HRK: variants seen among roughly 807,000 people sequenced by gnomAD.
HRK encodes harakiri, BCL2 interacting protein.
In HRK, 6 loss-of-function variants were observed where a neutral mutation model predicts 5.9. That is an observed-to-expected ratio of 1.02 (90% CI 0.56 to 2.01). The LOEUF (loss-of-function observed/expected upper bound fraction) is 2.01. HRK is among the 30% of genes most tolerant of loss of function. The pLI is 0.00. For synonymous variants in HRK, 85 were observed against 65.1 expected (o/e 1.31, Z -1.47); for missense variants, 133 against 128.3 (o/e 1.04, Z -0.18).
At chr12:116,869,769 G>A (rs1300210375) in intron 1 of HRK, 1 of 152,228 alleles carries the variant, frequency 6.6e-6, no homozygotes, top group African/African-American at 2.4e-5. Context: ...CTAAGTCTGA[G>A]CTATCTTTGA....
At chr12:116,871,157 A>G (rs1407886959) in intron 1 of HRK, among the ~76,000 whole-genome samples, 1 of 152,018 alleles carries the variant, frequency 6.6e-6, no homozygotes, top group Non-Finnish European at 1.5e-5. Flanking sequence ...AGGTTTCACC[A>G]TGTTGGCCAG....
At position 116,857,667 on chromosome 12, in the gene HRK, T is replaced by C. The variant is rs1343790800; in HGVS notation, c.*3856A>G. 1 of 152,198 alleles carries C rather than the reference T, an allele frequency of 6.6e-6. No homozygotes were observed. Among genetic ancestry groups the C allele is most frequent in the Non-Finnish European group, 1.5e-5 (1 of 68,038 alleles). 9.4% of individuals were successfully genotyped at this position (152,198 alleles called of 1,614,324 possible). On this transcript the variant is annotated 3_prime_UTR_variant, in exon 2 of 2. Coordinates refer to ENST00000257572, the MANE Select transcript of HRK (RefSeq NM_003806.4). ...ATAGGAGAACATGAGATCAGCTACATACATTGTGAAAACCAGTCACAGTTT... is the reference window on the plus strand; with the variant it reads ...ATAGGAGAACATGAGATCAGCTACACACATTGTGAAAACCAGTCACAGTTT...
At chr12:116,869,940 C>T (rs1401253585) in intron 1 of HRK, among the ~76,000 whole-genome samples, 10 of 152,046 alleles carry the variant, frequency 6.6e-5, no homozygotes, top group South Asian at 4.2e-4. Flanking sequence ...ATTAGCTGGG[C>T]GTGGTGGTGG....
At chr12:116,871,532 G>T (rs1445254568) in intron 1 of HRK, among the ~76,000 whole-genome samples, 4 of 149,734 alleles carry the variant, frequency 2.7e-5, no homozygotes, top group Non-Finnish European at 5.9e-5. Flanking sequence ...TTGAACTCCT[G>T]ACCTCAAATG....
At chr12:116,867,777 G>A (rs1334102796) in intron 1 of HRK, 1 of 152,180 alleles carries the variant, frequency 6.6e-6, no homozygotes, top group Non-Finnish European at 1.5e-5. Context: ...GTTGACATGG[G>A]AAGATCTCAA....
In HRK at chr12:116,859,636, TTC is replaced by T. The variant is rs1353712201; in HGVS notation, c.*1885_*1886del. On this transcript the variant is annotated 3_prime_UTR_variant, in exon 2 of 2. Transcript: ENST00000257572. Reference sequence around the variant, plus strand: ...CGTTCTCCCAAAATAAGCATTATTCTTCTTTTTTTTTTTTTGGTTTGCTGAGT... The same window carrying T: ...CGTTCTCCCAAAATAAGCATTATTCTTTTTTTTTTTTTTGGTTTGCTGAGT... The T allele has an allele frequency of 1.2e-5, 1 of 86,210 alleles. No homozygotes were observed. Among genetic ancestry groups the T allele is most frequent in the African/African-American group, 2.7e-5 (1 of 36,506 alleles). The allele number at this position is 86,210 out of a possible 1,614,324, so 5.3% of individuals were successfully genotyped here. A position where few individuals can be genotyped will look rare whatever the true frequency, so the allele number is the denominator to read the frequency against.
intron 1 of HRK, among the ~76,000 whole-genome samples, chr12:116,866,157 C>CAAAA (rs10682657): frequency 0.11 from 9,726 of 91,558 alleles, 1,326 homozygotes; most frequent in Non-Finnish European, 0.12. Context: ...GATTCCATCT[C>CAAAA]AAAAAAAAAA....
At position 116,858,508 on chromosome 12, in the gene HRK, T is replaced by C. The variant is rs1256750857; in HGVS notation, c.*3015A>G. 6.7e-6 allele frequency: 1 copy of C among 149,050 alleles called. No homozygotes were observed. The highest frequency in any genetic ancestry group is 1.5e-5 in the Non-Finnish European group (1 of 67,470). 9.2% of individuals were successfully genotyped at this position (149,050 alleles called of 1,614,324 possible). On this transcript the variant is annotated 3_prime_UTR_variant, in exon 2 of 2. Coordinates refer to ENST00000257572, the MANE Select transcript of HRK (RefSeq NM_003806.4). ...CATCAGAAATGAAGAGGCAAAAGTC[T>C]CTTCATCTCATTATGCAGCAAGCTA...
At chr12:116,865,309 A>C (rs1281052343) in intron 1 of HRK, among the ~76,000 whole-genome samples, 1 of 152,086 alleles carries the variant, frequency 6.6e-6, no homozygotes, top group East Asian at 1.9e-4. Flanking sequence ...TGGGAGGCCA[A>C]GGAGGCCAGA....
chr12:116,865,696 C>A (rs1347462150), intron 1 of HRK, among the ~76,000 whole-genome samples: 3 of 152,316 alleles, frequency 2.0e-5, no homozygotes, highest in South Asian at 2.1e-4. Context: ...GCCAGTATTA[C>A]CGGCTGGTTG....
intron 1 of HRK, among the ~76,000 whole-genome samples, chr12:116,866,754 G>A (rs1346675763): frequency 6.6e-6 from 1 of 152,116 alleles, no homozygotes; most frequent in African/African-American, 2.4e-5. Flanking sequence ...GGTGGGCCTT[G>A]GAAGCCCAAC....
chr12:116,867,764 CGT>C (rs1333643741), intron 1 of HRK: 4 of 152,162 alleles, frequency 2.6e-5, no homozygotes, highest in Non-Finnish European at 5.9e-5. Flanking sequence ...AAAACCTTTG[CGT>C]GTTGACATGG....
chr12:116,857,606 G>A lies in HRK; in HGVS notation c.*3917C>T, dbSNP rs997649781. The A allele has an allele frequency of 2.6e-5, 4 of 152,180 alleles. No homozygotes were observed. The highest frequency in any genetic ancestry group is 6.5e-5 in the Admixed American group (1 of 15,282). The allele number at this position is 152,180 out of a possible 1,614,324, so 9.4% of individuals were successfully genotyped here. A position where few individuals can be genotyped will look rare whatever the true frequency, so the allele number is the denominator to read the frequency against. On this transcript the variant is annotated 3_prime_UTR_variant, in exon 2 of 2. Transcript: ENST00000257572. ...AGGACTCCTCTAATGCCCCAGGGAG[G>A]GAGAGTGATATTTTATCACTGTCAG...
chr12:116,870,141 C>T (rs960965497), intron 1 of HRK, among the ~76,000 whole-genome samples: 1 of 152,110 alleles, frequency 6.6e-6, no homozygotes, highest in Non-Finnish European at 1.5e-5. Flanking sequence ...ATTCCAGTAA[C>T]TCAGACACAT....
chr12:116,870,437 C>A (rs890235045), intron 1 of HRK, among the ~76,000 whole-genome samples: 12 of 152,266 alleles, frequency 7.9e-5, no homozygotes, highest in Non-Finnish European at 1.6e-4. Context: ...TCCATGAAGA[C>A]CAGTCCACAG....
At chr12:116,877,936 C>T (rs979575362) in intron 1 of HRK, among the ~76,000 whole-genome samples, 2 of 152,174 alleles carry the variant, frequency 1.3e-5, no homozygotes, top group East Asian at 1.9e-4. Flanking sequence ...GATGGAGTCT[C>T]GCTCTGTCGC....
chr12:116,864,188 A>T (rs1419764393), intron 1 of HRK, among the ~76,000 whole-genome samples: 1 of 152,320 alleles, frequency 6.6e-6, no homozygotes, highest in African/African-American at 2.4e-5. Flanking sequence ...CTAGCCATAA[A>T]CCTACAGAAT....
intron 1 of HRK, among the ~76,000 whole-genome samples, chr12:116,868,030 G>A (rs1222123102): frequency 1.3e-5 from 2 of 152,048 alleles, no homozygotes; most frequent in African/African-American, 2.4e-5. Context: ...TCTCCAGCCT[G>A]TTTCTGCCAC....
chr12:116,880,569 C>A (rs577011161), intron 1 of HRK, among the ~76,000 whole-genome samples: 10 of 152,050 alleles, frequency 6.6e-5, no homozygotes, highest in Non-Finnish European at 1.2e-4. Context: ...GGAACGGGAC[C>A]GGGGACCTTT....
Sources: gnomAD v4.1 joint callset for allele counts (sites outside exome capture counted in the v4.1 genomes callset) on GRCh38, gnomAD v4.1.1 for gene constraint, MANE v1.5 for transcripts, NCBI Gene and HGNC (gene_info 2026-07-23, HGNC 2026-07-21) for gene names.